Variants in SDK1 observed in about 807,000 individuals in gnomAD.
SDK1 encodes protein sidekick-1.
SDK1 carries 157 observed loss-of-function variants against 245.5 expected under a neutral mutation model. That is an observed-to-expected ratio of 0.64 (90% CI 0.56 to 0.73). SDK1 has a LOEUF of 0.73. SDK1 is among the 30% of genes least tolerant of loss of function. The pLI, the probability that SDK1 is intolerant of heterozygous loss-of-function variation, is 0.00. For missense variants in SDK1, 3,583 were observed against 3,002.3 expected (o/e 1.19, Z -4.52); for synonymous variants, 1,647 against 1,278.5 (o/e 1.29, Z -6.15).
chr7:3,321,042 CAT>C (rs544343723), intron 1 of SDK1, among the ~76,000 whole-genome samples: 189 of 152,272 alleles, frequency 1.2e-3, no homozygotes, highest in African/African-American at 4.5e-3. Flanking sequence ...GCTAATATAA[CAT>C]AGGATATGTG....
At chr7:3,858,519 A>G (rs1780604342) in intron 5 of SDK1, among the ~76,000 whole-genome samples, 1 of 152,196 alleles carries the variant, frequency 6.6e-6, no homozygotes, top group Non-Finnish European at 1.5e-5. Flanking sequence ...GGAAGGATGA[A>G]GACTGAATGT....
At chr7:3,663,828 A>C (rs1009571106) in intron 4 of SDK1, among the ~76,000 whole-genome samples, 1 of 152,240 alleles carries the variant, frequency 6.6e-6, no homozygotes, top group African/African-American at 2.4e-5. Flanking sequence ...AGATTAGCTA[A>C]CTATCCTGTA....
At chr7:3,997,357 CG>C (rs1562641882) in intron 14 of SDK1, among the ~76,000 whole-genome samples, 1 of 152,128 alleles carries the variant, frequency 6.6e-6, no homozygotes, top group East Asian at 1.9e-4. Context: ...GTAGGCAAGT[CG>C]TCCCATCGTC....
intron 13 of SDK1, among the ~76,000 whole-genome samples, chr7:3,975,004 T>C (rs1482465318): frequency 6.6e-6 from 1 of 152,056 alleles, no homozygotes; most frequent in Non-Finnish European, 1.5e-5. Context: ...CCTCCGTGGG[T>C]AAATAGATAC....
intron 5 of SDK1, among the ~76,000 whole-genome samples, chr7:3,896,448 A>T (rs1207082434): frequency 6.6e-6 from 1 of 152,086 alleles, no homozygotes; most frequent in Non-Finnish European, 1.5e-5. Context: ...ACAGATCAAC[A>T]CTCAGCAAAA....
chr7:3,404,948 G>A (rs1432903231), intron 1 of SDK1, among the ~76,000 whole-genome samples: 3 of 152,122 alleles, frequency 2.0e-5, no homozygotes, highest in African/African-American at 7.2e-5. Context: ...TGAAACTTGT[G>A]TAGAAAAGGA....
intron 4 of SDK1, among the ~76,000 whole-genome samples, chr7:3,818,156 A>T (rs1779555711): frequency 6.6e-6 from 1 of 152,242 alleles, no homozygotes; most frequent in Non-Finnish European, 1.5e-5. Context: ...AAATGTACAA[A>T]GATGGGGGAA....
intron 30 of SDK1, among the ~76,000 whole-genome samples, chr7:4,150,644 A>G (rs1003895059): frequency 1.3e-5 from 2 of 152,210 alleles, no homozygotes; most frequent in Non-Finnish European, 2.9e-5. Context: ...ACCTGAATGT[A>G]GGGAGGGAGG....
chr7:3,974,045 A>T (rs1443700525), intron 12 of SDK1, among the ~76,000 whole-genome samples: 2 of 151,882 alleles, frequency 1.3e-5, no homozygotes, highest in Non-Finnish European at 2.9e-5. Flanking sequence ...TTAGCCAAGC[A>T]TGGTGGCATA....
At chr7:3,422,292 G>GA (rs533197980) in intron 1 of SDK1, among the ~76,000 whole-genome samples, 11 of 150,068 alleles carry the variant, frequency 7.3e-5, no homozygotes, top group African/African-American at 1.5e-4. Flanking sequence ...ATCCTTTCAG[G>GA]AAAAAAAAAA....
At chr7:4,018,294 C>A (rs1490808858) in intron 17 of SDK1, among the ~76,000 whole-genome samples, 2 of 152,240 alleles carry the variant, frequency 1.3e-5, no homozygotes, top group Non-Finnish European at 2.9e-5. Flanking sequence ...AATTCTCTCC[C>A]CAAATCATGC....
At chr7:3,562,973 A>C (rs1261781123) in intron 1 of SDK1, among the ~76,000 whole-genome samples, 1 of 151,592 alleles carries the variant, frequency 6.6e-6, no homozygotes, top group Non-Finnish European at 1.5e-5. Context: ...GTCTTGAAAA[A>C]GAAGGCTAGG....
chr7:3,448,125 C>G (rs1275949807), intron 1 of SDK1, among the ~76,000 whole-genome samples: 1 of 152,116 alleles, frequency 6.6e-6, no homozygotes, highest in Admixed American at 6.5e-5. Flanking sequence ...AGATTTCTTT[C>G]CTAAATGTTT....
chr7:3,669,141 G>C (rs1004117110), intron 4 of SDK1, among the ~76,000 whole-genome samples: 1 of 152,170 alleles, frequency 6.6e-6, no homozygotes, highest in Non-Finnish European at 1.5e-5. Context: ...AACAAATAAG[G>C]TGGTAAAACA....
intron 1 of SDK1, among the ~76,000 whole-genome samples, chr7:3,429,735 T>G (rs1418194752): frequency 6.6e-6 from 1 of 151,892 alleles, no homozygotes; most frequent in Non-Finnish European, 1.5e-5. Flanking sequence ...TAGCTGGGAT[T>G]ACAGGTGTGG....
intron 35 of SDK1, among the ~76,000 whole-genome samples, chr7:4,180,010 G>A (rs965665836): frequency 1.3e-5 from 2 of 152,018 alleles, no homozygotes; most frequent in African/African-American, 4.8e-5. Context: ...GGGGGCTCAG[G>A]GCACTTGGGC....
chr7:3,386,711 T>C (rs1202538741), intron 1 of SDK1, among the ~76,000 whole-genome samples: 1 of 152,024 alleles, frequency 6.6e-6, no homozygotes, highest in Non-Finnish European at 1.5e-5. Flanking sequence ...AGGTAGGGAG[T>C]GCAGCTGTAC....
chr7:3,645,391 C>T (rs537955769), intron 4 of SDK1, among the ~76,000 whole-genome samples: 2 of 152,170 alleles, frequency 1.3e-5, no homozygotes, highest in East Asian at 3.9e-4. Flanking sequence ...TCGTATTTTC[C>T]ACCTCATCAT....
intron 20 of SDK1, among the ~76,000 whole-genome samples, chr7:4,076,091 G>C (rs542665072): frequency 1.3e-5 from 2 of 152,210 alleles, no homozygotes; most frequent in Admixed American, 6.5e-5. Context: ...AGGGGAGAGA[G>C]AGCTAGAAGC....
Sources: gnomAD v4.1 joint callset for allele counts (sites outside exome capture counted in the v4.1 genomes callset) on GRCh38, gnomAD v4.1.1 for gene constraint, MANE v1.5 for transcripts, NCBI Gene and HGNC (gene_info 2026-07-23, HGNC 2026-07-21) for gene names.